Variants in GTPBP4 observed in about 807,000 individuals in gnomAD.
The protein encoded by GTPBP4 is GTP binding protein 4.
A neutral mutation model predicts 81.7 loss-of-function variants in GTPBP4; 15 were observed. The ratio of observed to expected loss-of-function variants is 0.18; its 90% CI spans 0.12 to 0.28. The LOEUF (loss-of-function observed/expected upper bound fraction) is 0.28. GTPBP4 is among the 10% of genes least tolerant of loss of function. The probability of loss-of-function intolerance (pLI) is 1.00; values close to 1 mark genes in which losing one functional copy is unlikely to be tolerated. For synonymous variants in GTPBP4, 272 were observed against 274.6 expected (o/e 0.99, Z 0.09); for missense variants, 847 against 793.8 (o/e 1.07, Z -0.81).
chr10:1,002,683 A>G (rs1050448854), intron 8 of GTPBP4, among the ~76,000 whole-genome samples: 8 of 152,164 alleles, frequency 5.3e-5, no homozygotes, highest in Non-Finnish European at 8.8e-5. Flanking sequence ...TGGATGTAAT[A>G]TAGTTGGCTG....
At position 1,014,520 on chromosome 10, in the gene GTPBP4, G is replaced by A. The variant is rs111375993; in HGVS notation, c.1608+208G>A. Among the ~76,000 whole-genome samples, 460 of 152,220 alleles carry A rather than the reference G, an allele frequency of 3.0e-3. 2 individuals are homozygous for A. Among genetic ancestry groups the A allele is most frequent in the African/African-American group, 9.9e-3 (413 of 41,532 alleles). Reference sequence around the variant, plus strand: ...AAAAAATACAAAAAATTAGCCGGGCGTGGTGGCGTGTGCCTGTAATCCCAG... The same window carrying A: ...AAAAAATACAAAAAATTAGCCGGGCATGGTGGCGTGTGCCTGTAATCCCAG... On this transcript the variant is annotated intron_variant, in intron 15 of 16. Transcript: ENST00000360803.
rs763990736 is a variant in GTPBP4, at chr10:1,000,951, C to G, written c.850C>G (p.Leu284Val). The G allele has an allele frequency of 6.8e-6, 11 of 1,612,600 alleles. No homozygotes were observed. Among genetic ancestry groups the G allele is most frequent in the East Asian group, 4.5e-5 (2 of 44,878 alleles). ...NIRPLFINKPLIVVANKCDVK... is the reference protein window; with the variant it reads ...NIRPLFINKPVIVVANKCDVK... ...ATTATTTTTCTTCCTTGCCTAGCCT[C>G]TCATAGTTGTAGCCAACAAATGTGA... The change falls in exon 8 of 17, where the codon CTC (leucine) becomes GTC (valine). Residue 284 changes from leucine (L) to valine (V), a missense_variant. Physicochemically the swap from Leu to Val is conservative, Grantham distance 32. Coordinates refer to ENST00000360803, the MANE Select transcript of GTPBP4 (RefSeq NM_012341.3).
At chr10:1,003,665 A>G (rs182082400) in intron 8 of GTPBP4, among the ~76,000 whole-genome samples, 8 of 152,326 alleles carry the variant, frequency 5.3e-5, no homozygotes, top group Non-Finnish European at 8.8e-5. Context: ...CCTCCATGAA[A>G]TGTTGGCAAT....
chr10:1,015,059 G>A (rs941246631), intron 15 of GTPBP4, among the ~76,000 whole-genome samples: 2 of 152,134 alleles, frequency 1.3e-5, no homozygotes, highest in African/African-American at 4.8e-5. Context: ...AGAGAGCATT[G>A]TTTATATCTG....
chr10:999,970 A>C (rs1831595875), intron 6 of GTPBP4, among the ~76,000 whole-genome samples: 1 of 152,230 alleles, frequency 6.6e-6, no homozygotes, highest in African/African-American at 2.4e-5. Context: ...AAAAAAAATA[A>C]ATAAATACAA....
intron 5 of GTPBP4, 93 bp downstream of exon 5, chr10:997,401 A>T (rs1831553915): frequency 8.7e-6 from 7 of 801,086 alleles, no homozygotes; most frequent in Non-Finnish European, 9.1e-6. Flanking sequence ...ATGGCCTTGT[A>T]GGTCAGTGTT....
rs772539965 is a variant in GTPBP4 at position 1,015,769 on chromosome 10, A to G, written c.1625A>G (p.Gln542Arg). ...DDKDDAHYAV[Q>R]ARRSRSITRK... ...GCTTTGCAGGCCCATTACGCAGTCC[A>G]GGCAAGAAGATCCCGGAGCATCACT... The change falls in exon 16 of 17, where the codon CAG becomes CGG. Residue 542 changes from glutamine (Q) to arginine (R), a missense_variant. By Grantham distance (43) the Gln-to-Arg change is conservative. Coordinates refer to ENST00000360803, the MANE Select transcript of GTPBP4 (RefSeq NM_012341.3). 2 of 1,614,030 alleles carry G rather than the reference A, an allele frequency of 1.2e-6. No individual in the cohort carries two copies. Among genetic ancestry groups the G allele is most frequent in the Admixed American group, 3.3e-5 (2 of 59,978 alleles).
At chr10:1,013,807 T>G (rs1452144554) in intron 14 of GTPBP4, among the ~76,000 whole-genome samples, 1 of 152,186 alleles carries the variant, frequency 6.6e-6, no homozygotes, top group Non-Finnish European at 1.5e-5. Flanking sequence ...CCTGTTTGAA[T>G]ACACTGTTTT....
rs534150785 is a variant in GTPBP4 at position 988,684 on chromosome 10, TC to T, written c.48+161del. ...GTCTGGCCGCGTACTCGGGATCATT[TC>T]CCCTCCCCCAGCAGAATCCGGGGTC... On this transcript the variant is annotated intron_variant, in intron 1 of 16. Coordinates refer to ENST00000360803, the MANE Select transcript of GTPBP4 (RefSeq NM_012341.3). 2.4e-5 allele frequency: 15 copies of T among 625,326 alleles called. No homozygotes were observed. In the African/African-American group the frequency reaches 2.7e-4, roughly 11 times the overall value. 38.7% of individuals were successfully genotyped at this position (625,326 alleles called of 1,614,324 possible).
Position 996,000 on chromosome 10 carries a change from G to A in GTPBP4, c.291G>A (p.Gly97=), listed in dbSNP as rs1446392527. ...YDKDHYKLAL[G]QINIAKNLVD... is the part of the protein sequence containing the mutation. Reference sequence around the variant, plus strand: ...AGGATCATTACAAGTTGGCTCTGGGGCAAATAAATATTGCCAAAAATTTAG... The same window carrying A: ...AGGATCATTACAAGTTGGCTCTGGGACAAATAAATATTGCCAAAAATTTAG... Residue 97 remains glycine (G), a synonymous_variant, in exon 3 of 17, where the codon GGG becomes GGA. Transcript: ENST00000360803. 3 of 1,611,230 alleles carry A rather than the reference G, an allele frequency of 1.9e-6. No individual in the cohort carries two copies. Among genetic ancestry groups the A allele is most frequent in the Non-Finnish European group, 1.7e-6 (2 of 1,177,386 alleles).
At chr10:1,002,734 A>C (rs1831658311) in intron 8 of GTPBP4, among the ~76,000 whole-genome samples, 1 of 152,060 alleles carries the variant, frequency 6.6e-6, no homozygotes, top group South Asian at 2.1e-4. Flanking sequence ...AATATATATC[A>C]TCCCATTGTC....
intron 10 of GTPBP4, 184 bp from the exon 11 acceptor site, chr10:1,008,774 G>A (rs1376477903): frequency 3.3e-6 from 2 of 605,292 alleles, no homozygotes. Context: ...TAATCTGTTG[G>A]TTGTTAATTG....
At position 999,069 on chromosome 10, in the gene GTPBP4, A is replaced by G. The variant is rs761476712; in HGVS notation, c.628A>G (p.Met210Val). 19 of 1,596,282 alleles carry G rather than the reference A, an allele frequency of 1.2e-5. No homozygotes were observed. Among genetic ancestry groups the G allele is most frequent in the Non-Finnish European group, 1.5e-5 (18 of 1,163,846 alleles). ...AACCAAGTCTCTGTTTGTTGGGCAC[A>G]TGGATTATAAGTATCTACGTTGGCA... is the stretch of plus-strand genomic sequence containing the variant. ...FTTKSLFVGHMDYKYLRWQVV... is the reference protein window; with the variant it reads ...FTTKSLFVGHVDYKYLRWQVV... Residue 210 changes from methionine to valine, a missense_variant, in exon 6 of 17, where the codon ATG becomes GTG. Met to Val is a conservative substitution (Grantham distance 21). Coordinates refer to ENST00000360803, the MANE Select transcript of GTPBP4 (RefSeq NM_012341.3).
At chr10:1,014,334 G>A in intron 15 of GTPBP4, 22 bp downstream of exon 15, 1 of 1,552,404 alleles carries the variant, frequency 6.4e-7, no homozygotes, top group Non-Finnish European at 8.9e-7. Context: ...GGCGGTTCAT[G>A]TGTTTATGTG....
intron 14 of GTPBP4, among the ~76,000 whole-genome samples, chr10:1,013,784 C>A (rs1160822268): frequency 1.3e-5 from 2 of 152,200 alleles, no homozygotes; most frequent in African/African-American, 4.8e-5. Flanking sequence ...CAGGATGCCT[C>A]TCAGTGGGTC....
intron 9 of GTPBP4, among the ~76,000 whole-genome samples, chr10:1,006,158 G>A (rs541837220): frequency 2.0e-4 from 30 of 152,342 alleles, no homozygotes; most frequent in African/African-American, 7.2e-4. Context: ...CCCTAAAGCA[G>A]CTGTTGTCTC....
chr10:1,006,943 G>A, intron 9 of GTPBP4, 75 bp from the exon 10 acceptor site: 3 of 885,488 alleles, frequency 3.4e-6, no homozygotes, highest in Non-Finnish European at 5.7e-6. Context: ...CTGATCTGTG[G>A]CTCCTCCTGG....
chr10:1,012,868 G>A (rs942418637), intron 14 of GTPBP4, among the ~76,000 whole-genome samples: 1 of 152,114 alleles, frequency 6.6e-6, no homozygotes, highest in East Asian at 1.9e-4. Context: ...TTTCAGCTTC[G>A]AGTTTGGCAC....
Position 1,000,801 on chromosome 10 carries a change from A to G in GTPBP4, c.779A>G (p.Gln260Arg), listed in dbSNP as rs1831615680. ...AVLYVMDLSE[Q>R]CGHGLREQLE... Reference sequence around the variant, plus strand: ...CTGTATGTGATGGATTTGTCTGAGCAGTGTGGGCATGGGCTGAGGGAGCAG... The same window carrying G: ...CTGTATGTGATGGATTTGTCTGAGCGGTGTGGGCATGGGCTGAGGGAGCAG... Residue 260 changes from glutamine to arginine, a missense_variant, in exon 7 of 17, where the codon CAG becomes CGG. Transcript: ENST00000360803. 2 of 1,611,516 alleles carry G rather than the reference A, an allele frequency of 1.2e-6. No individual in the cohort carries two copies. Among genetic ancestry groups the G allele is most frequent in the Non-Finnish European group, 1.7e-6 (2 of 1,178,604 alleles).
Sources: allele counts gnomAD v4.1 joint callset (sites outside exome capture counted in the v4.1 genomes callset), GRCh38; gene constraint gnomAD v4.1.1; transcripts MANE v1.5; gene names NCBI Gene and HGNC (gene_info 2026-07-23, HGNC 2026-07-21).